Variants in PROM1 observed in about 807,000 individuals in gnomAD.
The protein encoded by PROM1 is prominin 1.
PROM1 carries 105 observed loss-of-function variants against 116.9 expected under a neutral mutation model. The ratio of observed to expected loss-of-function variants is 0.90; its 90% CI spans 0.77 to 1.06. PROM1 has a LOEUF of 1.06. Ranked by LOEUF, PROM1 falls within the 50% of genes least tolerant of loss-of-function variation. The pLI, the probability that PROM1 is intolerant of heterozygous loss-of-function variation, is 0.00. For synonymous variants in PROM1, 393 were observed against 387.0 expected (o/e 1.02, Z -0.18); for missense variants, 1,122 against 1,045.2 (o/e 1.07, Z -1.01).
intron 26 of PROM1, among the ~76,000 whole-genome samples, chr4:15,976,537 T>C (rs1489486485): frequency 6.6e-6 from 1 of 152,224 alleles, no homozygotes; most frequent in Non-Finnish European, 1.5e-5. Flanking sequence ...CGTGGTGGCA[T>C]AAGACAGAAG....
intron 2 of PROM1, among the ~76,000 whole-genome samples, chr4:16,045,921 A>G (rs773518772): frequency 2.2e-4 from 33 of 152,200 alleles, no homozygotes; most frequent in Non-Finnish European, 3.1e-4. Flanking sequence ...GACACATCCA[A>G]TAAGCCTACC....
chr4:16,010,771 G>A (rs2149260178), intron 11 of PROM1, among the ~76,000 whole-genome samples: 1 of 152,276 alleles, frequency 6.6e-6, no homozygotes, highest in East Asian at 1.9e-4. Context: ...AAAGTGCTGG[G>A]ATTATAGCAG....
At chr4:16,082,995 G>A (rs548019068) in intron 1 of PROM1, among the ~76,000 whole-genome samples, 5 of 151,828 alleles carry the variant, frequency 3.3e-5, no homozygotes, top group Non-Finnish European at 5.9e-5. Flanking sequence ...CAAGCAGAAG[G>A]GCCGTGGAGC....
At position 16,075,775 on chromosome 4, in the gene PROM1, T is replaced by C; in HGVS notation, c.132A>G (p.Gln44=). 6.2e-7 allele frequency: 1 copy of C among 1,613,836 alleles called. No homozygotes were observed. Among genetic ancestry groups the C allele is most frequent in the Non-Finnish European group, 8.5e-7 (1 of 1,179,838 alleles). ...YELPATNYET[Q]DSHKAGPIGI... is the part of the protein sequence containing the mutation. ...CAATGGGTCCAGCTTTATGGGAGTCTTGGGTCTCATAATTTGTTGCAGGCA... is the reference window on the plus strand; with the variant it reads ...CAATGGGTCCAGCTTTATGGGAGTCCTGGGTCTCATAATTTGTTGCAGGCA... The change falls in exon 2 of 28, where the codon CAA becomes CAG. Residue 44 remains glutamine (Q), a synonymous_variant. Transcript: ENST00000447510.
At chr4:15,980,172 A>G in intron 24 of PROM1, 5 of 610,882 alleles carry the variant, frequency 8.2e-6, no homozygotes, top group Non-Finnish European at 1.4e-5. Flanking sequence ...GGAACTGCAA[A>G]CAAGAAATAA....
At chr4:16,004,819 CTTTCT>C (rs1462947521) in intron 13 of PROM1, among the ~76,000 whole-genome samples, 12 of 122,582 alleles carry the variant, frequency 9.8e-5, no homozygotes, top group Admixed American at 4.0e-4. Flanking sequence ...TTCTTTCTTT[CTTTCT>C]TTCTTTTTCT....
intron 19 of PROM1, 114 bp from the exon 20 acceptor site, chr4:15,987,830 G>T: frequency 1.1e-5 from 9 of 782,660 alleles, no homozygotes; most frequent in East Asian, 2.8e-5. Flanking sequence ...CACTGTAATG[G>T]TTTCATTCTA....
chr4:15,995,150 G>C (rs55997361), intron 15 of PROM1, among the ~76,000 whole-genome samples: 1,546 of 152,266 alleles, frequency 0.01, 28 homozygotes, highest in African/African-American at 0.035. Context: ...TCTACCCTGA[G>C]TATGGGGGAT....
At chr4:16,032,240 A>ATCC (rs1732887867) in intron 5 of PROM1, among the ~76,000 whole-genome samples, 1 of 151,956 alleles carries the variant, frequency 6.6e-6, no homozygotes, top group South Asian at 2.1e-4. Flanking sequence ...GTATCAACAA[A>ATCC]TCCAGAGCTG....
intron 1 of PROM1, among the ~76,000 whole-genome samples, chr4:16,081,393 T>G (rs933048823): frequency 3.3e-5 from 5 of 152,102 alleles, no homozygotes; most frequent in Admixed American, 3.3e-4. Flanking sequence ...ATTAAAAACT[T>G]AAATGTTAGA....
At chr4:16,001,295 T>C (rs987654166) in intron 13 of PROM1, among the ~76,000 whole-genome samples, 16 of 152,136 alleles carry the variant, frequency 1.1e-4, no homozygotes, top group African/African-American at 3.6e-4. Context: ...GAAGATGGGC[T>C]GGATGTTGGT....
chr4:16,025,352 G>T (rs1371068795), intron 5 of PROM1, 40 bp from the exon 6 acceptor site: 2 of 1,608,960 alleles, frequency 1.2e-6, no homozygotes, highest in African/African-American at 2.7e-5. Flanking sequence ...CATTTACTGT[G>T]TGGTCCATGG....
rs575401049 is a variant in PROM1, at chr4:16,003,144, A to G, written c.1455-2525T>C. 116 of 372,302 alleles carry G rather than the reference A, an allele frequency of 3.1e-4. 1 individual carries two copies. Among genetic ancestry groups the G allele is most frequent in the African/African-American group, 2.3e-3 (111 of 47,730 alleles). The allele number at this position is 372,302 out of a possible 1,614,324, so 23.1% of individuals were successfully genotyped here. On this transcript the variant is annotated intron_variant, in intron 13 of 27. Coordinates refer to ENST00000447510, the MANE Select transcript of PROM1 (RefSeq NM_006017.3). ...CCCTTTCAAATGCATTATCTTAGAA[A>G]CTTTTGTCAACAAATTAGGACTGTC...
chr4:16,046,430 G>T (rs908194344), intron 2 of PROM1, among the ~76,000 whole-genome samples: 1 of 152,072 alleles, frequency 6.6e-6, no homozygotes, highest in Admixed American at 6.5e-5. Flanking sequence ...GTCTTCTTTA[G>T]ATAGGAAAAT....
At chr4:16,049,749 T>C (rs1232332838) in intron 2 of PROM1, among the ~76,000 whole-genome samples, 1 of 151,564 alleles carries the variant, frequency 6.6e-6, no homozygotes, top group Non-Finnish European at 1.5e-5. Context: ...TATATATAGT[T>C]TATTATTATA....
At position 16,047,476 on chromosome 4, in the gene PROM1, A is replaced by G. The variant is rs532873090; in HGVS notation, c.221-8475T>C. Among the ~76,000 whole-genome samples the G allele has an allele frequency of 4.4e-4, 67 of 152,220 alleles. 1 individual carries two copies. The Middle Eastern group carries it at 0.01, about 23-fold the overall frequency. On this transcript the variant is annotated intron_variant, in intron 2 of 27. Transcript: ENST00000447510. ...TGCCTCAGCCTCCCAAAGTGCTGGA[A>G]TTACAGGTATGAGCCACCATGCCGG...
chr4:16,065,578 A>T (rs1337455177), intron 2 of PROM1, among the ~76,000 whole-genome samples: 1 of 152,178 alleles, frequency 6.6e-6, no homozygotes, highest in African/African-American at 2.4e-5. Context: ...AAGGGAACCC[A>T]GTCAACACCA....
chr4:16,058,363 G>A (rs997144662), intron 2 of PROM1, among the ~76,000 whole-genome samples: 1 of 152,164 alleles, frequency 6.6e-6, no homozygotes, highest in African/African-American at 2.4e-5. Flanking sequence ...AATGAGTAAA[G>A]AGGGGAATCA....
At chr4:16,042,310 T>C (rs1236621748) in intron 2 of PROM1, among the ~76,000 whole-genome samples, 2 of 152,234 alleles carry the variant, frequency 1.3e-5, no homozygotes, top group African/African-American at 4.8e-5. Flanking sequence ...AAAGAATTTT[T>C]GATACTATAA....
Sources: allele counts gnomAD v4.1 joint callset (sites outside exome capture counted in the v4.1 genomes callset), GRCh38; gene constraint gnomAD v4.1.1; transcripts MANE v1.5; gene names NCBI Gene and HGNC (gene_info 2026-07-23, HGNC 2026-07-21).